The following RSRC1 variants were observed in gnomAD, a reference collection of about 807,000 sequenced individuals.
RSRC1 encodes the protein serine/Arginine-related protein 53.
RSRC1 carries 39 observed loss-of-function variants against 49.1 expected under a neutral mutation model. The ratio of observed to expected loss-of-function variants is 0.79; its 90% CI spans 0.61 to 1.04. The LOEUF (loss-of-function observed/expected upper bound fraction) is 1.04, where lower values mean the gene tolerates loss of function less well. RSRC1 is among the 50% of genes least tolerant of loss of function. RSRC1 has a pLI of 0.00. For synonymous variants in RSRC1, 143 were observed against 130.8 expected (o/e 1.09, Z -0.63); for missense variants, 388 against 402.4 (o/e 0.96, Z 0.31).
intron 3 of RSRC1, among the ~76,000 whole-genome samples, chr3:158,159,018 T>C (rs1718051939): frequency 6.6e-6 from 1 of 152,122 alleles, no homozygotes; most frequent in Non-Finnish European, 1.5e-5. Flanking sequence ...CTGTCTTTTC[T>C]ACTTTTTGTT....
chr3:158,378,524 A>G (rs1732507120), intron 6 of RSRC1, among the ~76,000 whole-genome samples: 1 of 152,242 alleles, frequency 6.6e-6, no homozygotes, highest in Non-Finnish European at 1.5e-5. Flanking sequence ...GTTTACTTGG[A>G]TAGACCCAAA....
chr3:158,199,979 A>G (rs1268972988), intron 3 of RSRC1, among the ~76,000 whole-genome samples: 1 of 125,288 alleles, frequency 8.0e-6, no homozygotes, highest in African/African-American at 2.6e-5. Context: ...TTTATGTGAC[A>G]TTAATATATT....
At chr3:158,381,033 T>C (rs1461026863) in intron 6 of RSRC1, among the ~76,000 whole-genome samples, 3 of 152,186 alleles carry the variant, frequency 2.0e-5, no homozygotes, top group Admixed American at 1.3e-4. Context: ...CCTAGAGGTA[T>C]TGTGAAAATT....
At chr3:158,310,532 C>T (rs1417373977) in intron 5 of RSRC1, among the ~76,000 whole-genome samples, 1 of 151,580 alleles carries the variant, frequency 6.6e-6, no homozygotes, top group Non-Finnish European at 1.5e-5. Context: ...TTGTGTGTTA[C>T]CTTTAAGGGA....
chr3:158,266,679 A>T (rs16828841), intron 4 of RSRC1, among the ~76,000 whole-genome samples: 11,672 of 152,160 alleles, frequency 0.077, 538 homozygotes, highest in South Asian at 0.13. Context: ...TCTTTAGTTT[A>T]TTCCATTCTA....
At chr3:158,323,072 A>G (rs1728855466) in intron 5 of RSRC1, among the ~76,000 whole-genome samples, 3 of 151,850 alleles carry the variant, frequency 2.0e-5, no homozygotes, top group African/African-American at 7.3e-5. Flanking sequence ...TCTAATGTCT[A>G]GTAATTTTTG....
chr3:158,181,719 T>C (rs980633736), intron 3 of RSRC1, among the ~76,000 whole-genome samples: 2 of 152,178 alleles, frequency 1.3e-5, no homozygotes, highest in African/African-American at 4.8e-5. Context: ...GTTTCTAATA[T>C]TGGGATAATT....
intron 6 of RSRC1, among the ~76,000 whole-genome samples, chr3:158,422,219 TC>T (rs1254526969): frequency 5.0e-4 from 47 of 94,058 alleles, no homozygotes; most frequent in South Asian, 2.2e-3. Context: ...ATGCTATCCC[TC>T]CCCCCTCCCC....
intron 3 of RSRC1, among the ~76,000 whole-genome samples, chr3:158,156,506 A>G (rs1420200532): frequency 6.6e-6 from 1 of 152,216 alleles, no homozygotes; most frequent in East Asian, 1.9e-4. Context: ...TTTCAGTGCA[A>G]GAGGCCTAGC....
intron 4 of RSRC1, among the ~76,000 whole-genome samples, chr3:158,223,333 CTT>C (rs1722328356): frequency 6.6e-6 from 1 of 151,746 alleles, no homozygotes; most frequent in South Asian, 2.1e-4. Context: ...GTTCAGGAAA[CTT>C]TTTCTGTAAA....
At chr3:158,327,212 GT>G (rs201689386) in intron 5 of RSRC1, among the ~76,000 whole-genome samples, 4,060 of 152,220 alleles carry the variant, frequency 0.027, 166 homozygotes, top group African/African-American at 0.093. Context: ...TTTTTGAAGG[GT>G]TTTTTGTGTC....
chr3:158,241,907 C>A (rs1723603337), intron 4 of RSRC1, among the ~76,000 whole-genome samples: 1 of 151,168 alleles, frequency 6.6e-6, no homozygotes, highest in Non-Finnish European at 1.5e-5. Context: ...TAAAATACAC[C>A]CATTTAAAAT....
At chr3:158,304,111 C>T (rs926642244) in intron 5 of RSRC1, among the ~76,000 whole-genome samples, 1 of 152,120 alleles carries the variant, frequency 6.6e-6, no homozygotes, top group African/African-American at 2.4e-5. Context: ...TGATGTCCTA[C>T]TTGTCCTTGT....
chr3:158,479,960 G>A (rs2108434506), intron 7 of RSRC1, among the ~76,000 whole-genome samples: 1 of 152,066 alleles, frequency 6.6e-6, no homozygotes, highest in Admixed American at 6.6e-5. Flanking sequence ...TTGAGAAAAT[G>A]TTTTCCTTAG....
chr3:158,193,080 C>G (rs973505520), intron 3 of RSRC1, among the ~76,000 whole-genome samples: 6 of 152,052 alleles, frequency 3.9e-5, no homozygotes, highest in Non-Finnish European at 4.4e-5. Flanking sequence ...TCCCAAATAA[C>G]TTGTGTTGTT....
At chr3:158,238,827 A>AG (rs1244469544) in intron 4 of RSRC1, among the ~76,000 whole-genome samples, 1 of 152,212 alleles carries the variant, frequency 6.6e-6, no homozygotes, top group Non-Finnish European at 1.5e-5. Context: ...CATGACTAAA[A>AG]CACCAAAAGC....
At chr3:158,264,232 T>C (rs975671512) in intron 4 of RSRC1, among the ~76,000 whole-genome samples, 1 of 152,194 alleles carries the variant, frequency 6.6e-6, no homozygotes, top group African/African-American at 2.4e-5. Context: ...TTTTGTTTCA[T>C]TGAATTTAAA....
At chr3:158,462,353 T>A (rs1027118774) in intron 7 of RSRC1, among the ~76,000 whole-genome samples, 1 of 151,970 alleles carries the variant, frequency 6.6e-6, no homozygotes, top group African/African-American at 2.4e-5. Context: ...AGTACTGCTA[T>A]GTTGTGTGGC....
intron 5 of RSRC1, among the ~76,000 whole-genome samples, chr3:158,333,324 C>T (rs1729666624): frequency 6.6e-6 from 1 of 152,178 alleles, no homozygotes; most frequent in Non-Finnish European, 1.5e-5. Flanking sequence ...GTTCTTCTGA[C>T]ATCCAATTAA....
Sources: gnomAD v4.1 joint callset for allele counts (sites outside exome capture counted in the v4.1 genomes callset) on GRCh38, gnomAD v4.1.1 for gene constraint, MANE v1.5 for transcripts, NCBI Gene and HGNC (gene_info 2026-07-23, HGNC 2026-07-21) for gene names.